MACROD1: variants seen among roughly 807,000 people sequenced by gnomAD.
MACROD1 encodes ADP-ribose glycohydrolase MACROD1.
MACROD1 carries 31 observed loss-of-function variants against 41.4 expected under a neutral mutation model. That is an observed-to-expected ratio of 0.75 (90% CI 0.56 to 1.01). The LOEUF (loss-of-function observed/expected upper bound fraction) is 1.01. Among genes scored for constraint, MACROD1 ranks in the 50% least tolerant of loss-of-function variants. MACROD1 has a pLI of 0.00. For synonymous variants in MACROD1, 252 were observed against 203.4 expected, an observed-to-expected ratio of 1.24 and a Z score of -2.03; for missense variants, 473 against 460.0, an observed-to-expected ratio of 1.03 and a Z score of -0.26.
chr11:64,061,867 C>G (rs1449940558), intron 3 of MACROD1, among the ~76,000 whole-genome samples: 1 of 146,348 alleles, frequency 6.8e-6, no homozygotes, highest in African/African-American at 2.6e-5. Context: ...TGTGCCACCA[C>G]GCTGGCTTTT....
Position 64,027,204 on chromosome 11 carries a change from G to A in MACROD1, c.518-11923C>T, listed in dbSNP as rs572227925. ...GCAGAGGGGAGTGTGGCTGAGAGGA[G>A]GGCAGAGAGGTGACCAGGCCCACGG... On this transcript the variant is annotated intron_variant, in intron 3 of 10. Transcript: ENST00000255681. Among the ~76,000 whole-genome samples, 9 of 152,360 alleles carry A rather than the reference G, an allele frequency of 5.9e-5. No individual in the cohort carries two copies. In the East Asian group the frequency reaches 1.7e-3, roughly 29 times the overall value.
chr11:64,121,262 C>G lies in MACROD1; in HGVS notation c.517+29977G>C, dbSNP rs543451169. Among the ~76,000 whole-genome samples the G allele has an allele frequency of 3.8e-3, 585 of 152,344 alleles. 4 individuals are homozygous for G. The highest frequency in any genetic ancestry group is 3.6e-3 in the Non-Finnish European group (243 of 68,026). ...TGGGCCCCAGGACCACGCGAGTCTC[C>G]TGTTCCTGGTTCTTGCACTAACTGG... On this transcript the variant is annotated intron_variant, in intron 3 of 10. Transcript: ENST00000255681.
In MACROD1 at chr11:64,089,561, C is replaced by T. The variant is rs536923435; in HGVS notation, c.517+61678G>A. Among the ~76,000 whole-genome samples, 237 of 152,326 alleles carry T rather than the reference C, an allele frequency of 1.6e-3. 1 individual carries two copies. The highest frequency in any genetic ancestry group is 5.4e-3 in the African/African-American group (225 of 41,572). ...GCACTTTCCTTCCCAGCTGCCGGGT[C>T]GGCAGCCACGGACCAGAGAAAGCGG... On this transcript the variant is annotated intron_variant, in intron 3 of 10. Coordinates refer to ENST00000255681, the MANE Select transcript of MACROD1 (RefSeq NM_014067.4).
In MACROD1 at chr11:64,165,861, G is replaced by A. The variant is rs1415040861; in HGVS notation, c.134C>T (p.Pro45Leu). The change falls in exon 1 of 11, where the codon CCG (proline) becomes CTG (leucine). Residue 45 changes from proline to leucine, a missense_variant. Coordinates refer to ENST00000255681, the MANE Select transcript of MACROD1 (RefSeq NM_014067.4). The stretch of plus-strand genomic sequence containing the variant: ...GCGGCCGAACACGCCCAGGAACGCC[G>A]GGGGACCGCACGTGCTGCTGCGGGT... ...TRTRSSTCGP[P>L]AFLGVFGRRA... 4 of 1,454,484 alleles carry A rather than the reference G, an allele frequency of 2.8e-6. No homozygotes were observed. The South Asian group carries it at 5.5e-5, about 20-fold the overall frequency. 90.1% of individuals were successfully genotyped at this position (1,454,484 alleles called of 1,614,324 possible). A position where few individuals can be genotyped will look rare whatever the true frequency, so the allele number is the denominator to read the frequency against.
At chr11:64,014,390 A>C (rs1458289932) in intron 4 of MACROD1, among the ~76,000 whole-genome samples, 1 of 152,228 alleles carries the variant, frequency 6.6e-6, no homozygotes, top group Non-Finnish European at 1.5e-5. Context: ...GGTCACCGAC[A>C]GCTCTTAATG....
chr11:64,120,774 C>G lies in MACROD1; in HGVS notation c.517+30465G>C, dbSNP rs186883935. ...CCACCTGGGATGTCTGGGAGGAGAG[C>G]GTGCCCGAGGTGTGCCACGTTGGCA... On this transcript the variant is annotated intron_variant, in intron 3 of 10. Transcript: ENST00000255681. This position sits in a 1 kb window ranked among gnomAD's most constrained non-coding sequence, Gnocchi z 4.5. Among the ~76,000 whole-genome samples, 1 of 152,160 alleles carries G rather than the reference C, an allele frequency of 6.6e-6. No homozygotes were observed. The highest frequency in any genetic ancestry group is 6.5e-5 in the Admixed American group (1 of 15,292).
chr11:64,069,761 G>A (rs571078940), intron 3 of MACROD1, among the ~76,000 whole-genome samples: 6 of 152,188 alleles, frequency 3.9e-5, no homozygotes, highest in South Asian at 2.1e-4. Context: ...TAAATGCTTC[G>A]CCAGGAAACC....
chr11:64,026,410 C>A (rs1043401786), intron 3 of MACROD1, among the ~76,000 whole-genome samples: 1 of 152,160 alleles, frequency 6.6e-6, no homozygotes, highest in African/African-American at 2.4e-5. Context: ...GTCAAGCATG[C>A]TTGGTTTTGT....
At chr11:64,112,737 G>A (rs552519294) in intron 3 of MACROD1, among the ~76,000 whole-genome samples, 4 of 152,266 alleles carry the variant, frequency 2.6e-5, no homozygotes, top group African/African-American at 9.6e-5. Flanking sequence ...GGGGATACTA[G>A]GGGGTGCCTG....
chr11:64,118,284 T>C, intron 3 of MACROD1: 1 of 1,566,742 alleles, frequency 6.4e-7, no homozygotes. Flanking sequence ...AGACTACTCC[T>C]ACACATGATG....
intron 1 of MACROD1, among the ~76,000 whole-genome samples, chr11:64,161,301 G>A (rs1478206801): frequency 6.6e-6 from 1 of 152,218 alleles, no homozygotes; most frequent in Non-Finnish European, 1.5e-5. Flanking sequence ...GAACTGGCCG[G>A]ATATTGAGTA....
chr11:64,066,957 G>T lies in MACROD1; in HGVS notation c.518-51676C>A, dbSNP rs541382904. 5.9e-5 allele frequency among the ~76,000 whole-genome samples: 9 copies of T among 152,310 alleles called. No homozygotes were observed. The East Asian group carries it at 1.7e-3, about 29-fold the overall frequency. On this transcript the variant is annotated intron_variant, in intron 3 of 10. Transcript: ENST00000255681. Reference sequence around the variant, plus strand: ...GGTGCTGCCCGCCCCAGTGCGCTACGGAGGGTCACACAGAGCCCAGCTGGC... The same window carrying T: ...GGTGCTGCCCGCCCCAGTGCGCTACTGAGGGTCACACAGAGCCCAGCTGGC...
Position 63,999,511 on chromosome 11 carries a change from G to T in MACROD1, c.817+19C>A, listed in dbSNP as rs1260465719. 3 of 1,603,438 alleles carry T rather than the reference G, an allele frequency of 1.9e-6. No individual in the cohort carries two copies. The highest frequency in any genetic ancestry group is 2.6e-6 in the Non-Finnish European group (3 of 1,175,718). Reference sequence around the variant, plus strand: ...GGTCCACCGCCCACTCCTGGTCCTTGCCTTTCTTCCAGACTCACCAAACAC... The same window carrying T: ...GGTCCACCGCCCACTCCTGGTCCTTTCCTTTCTTCCAGACTCACCAAACAC... On this transcript the variant is annotated intron_variant, in intron 7 of 10. Coordinates refer to ENST00000255681, the MANE Select transcript of MACROD1 (RefSeq NM_014067.4).
Position 64,165,949 on chromosome 11 carries a change from C to T in MACROD1, c.46G>A (p.Ala16Thr). Residue 16 changes from alanine to threonine, a missense_variant, in exon 1 of 11, where the codon GCG becomes ACG. Ala to Thr is a moderately conservative substitution (Grantham distance 58). Transcript: ENST00000255681. ...RLSGRLAQLR[A>T]AGQLLVPPRP... ...GGGGGGACGAGCAGCTGCCCCGCCG[C>T]GCGCAGCTGTGCCAGGCGGCCGGAC... The T allele has an allele frequency of 7.6e-7, 1 of 1,310,450 alleles. No homozygotes were observed. Among genetic ancestry groups the T allele is most frequent in the South Asian group, 2.4e-5 (1 of 42,354 alleles). 81.2% of individuals were successfully genotyped at this position (1,310,450 alleles called of 1,614,324 possible). A position where few individuals can be genotyped will look rare whatever the true frequency, so the allele number is the denominator to read the frequency against.
rs56217591 is a variant in MACROD1, at chr11:64,001,754, G to A, written c.548-1411C>T. The stretch of plus-strand genomic sequence containing the variant: ...TGTAGCCCAGGGCGAGGCTGAGATG[G>A]AGCAAGAAGGCAGGGCCCAGAGCGG... On this transcript the variant is annotated intron_variant, in intron 4 of 10. Transcript: ENST00000255681. The A allele has an allele frequency of 0.018, 12,538 of 702,204 alleles. 1,103 individuals carry two copies. In the African/African-American group the frequency reaches 0.19, roughly 11 times the overall value. The allele number at this position is 702,204 out of a possible 1,614,324, so 43.5% of individuals were successfully genotyped here.
At chr11:64,091,054 G>T (rs545665946) in intron 3 of MACROD1, among the ~76,000 whole-genome samples, 11 of 150,324 alleles carry the variant, frequency 7.3e-5, no homozygotes, top group Admixed American at 2.0e-4. Flanking sequence ...AGAGGAGGAG[G>T]AGGGAAGAGA....
chr11:64,042,765 G>A (rs1180575744), intron 3 of MACROD1, among the ~76,000 whole-genome samples: 2 of 152,186 alleles, frequency 1.3e-5, no homozygotes, highest in Non-Finnish European at 2.9e-5. Context: ...TGGACCACTA[G>A]GTCCCTAGTA....
rs547610992 is a variant in MACROD1 at position 64,082,712 on chromosome 11, G to T, written c.518-67431C>A. Among the ~76,000 whole-genome samples the T allele has an allele frequency of 1.3e-5, 2 of 152,280 alleles. No individual in the cohort carries two copies. Among genetic ancestry groups the T allele is most frequent in the South Asian group, 4.1e-4 (2 of 4,830 alleles). ...CTGCAGGCCCCTGGGTCTCACACAA[G>T]GAATGTGGAGCATCCTCCTGAGAGG... On this transcript the variant is annotated intron_variant, in intron 3 of 10. Coordinates refer to ENST00000255681, the MANE Select transcript of MACROD1 (RefSeq NM_014067.4). This position sits in a 1 kb window ranked among gnomAD's most constrained non-coding sequence, Gnocchi z 4.5.
chr11:64,114,717 G>A (rs1944943871), intron 3 of MACROD1, among the ~76,000 whole-genome samples: 1 of 151,838 alleles, frequency 6.6e-6, no homozygotes, highest in Non-Finnish European at 1.5e-5. Context: ...ATAGATGGAT[G>A]GATGGATGAA....
Sources: gnomAD v4.1 joint callset for allele counts (sites outside exome capture counted in the v4.1 genomes callset) on GRCh38, gnomAD v4.1.1 for gene constraint, Gnocchi (gnomAD v3.1) non-coding constraint, MANE v1.5 for transcripts, NCBI Gene and HGNC (gene_info 2026-07-23, HGNC 2026-07-21) for gene names.